Variants in ASAP2 observed in about 807,000 individuals in gnomAD.
ASAP2 encodes arf-GAP with SH3 domain, ANK repeat and PH domain-containing protein 2.
ASAP2 carries 45 observed loss-of-function variants against 131.4 expected under a neutral mutation model. The ratio of observed to expected loss-of-function variants is 0.34; its 90% confidence interval spans 0.27 to 0.44. The LOEUF (loss-of-function observed/expected upper bound fraction) is 0.44, where lower values mean the gene tolerates loss of function less well. Among genes scored for constraint, ASAP2 ranks in the 20% least tolerant of loss-of-function variants. ASAP2 has a pLI of 1.00. For missense variants in ASAP2, 1,011 were observed against 1,297.0 expected (o/e 0.78, Z 3.39); for synonymous variants, 510 against 503.0 (o/e 1.01, Z -0.19).
chr2:9,298,883 A>G (rs1330164774), intron 3 of ASAP2, among the ~76,000 whole-genome samples: 1 of 152,178 alleles, frequency 6.6e-6, no homozygotes, highest in African/African-American at 2.4e-5. Context: ...GAGACCAGAA[A>G]TAGCAGAAAA....
rs150871096 is a variant in ASAP2 at position 9,374,882 on chromosome 2, T to C, written c.1684T>C (p.Leu562=). ...EAVKTRDIFG[L]LQAYADGVDL... ...CGTCAAAACGAGAGATATTTTTGGA[T>C]TGCTCCAAGCTTATGCTGATGGTGT... Residue 562 remains leucine, a synonymous_variant, in exon 17 of 28, where the codon TTG becomes CTG. Coordinates refer to ENST00000281419, the MANE Select transcript of ASAP2 (RefSeq NM_003887.3). 2.1e-4 allele frequency: 334 copies of C among 1,613,986 alleles called. No individual in the cohort carries two copies. The East Asian group carries it at 5.3e-3, about 26-fold the overall frequency.
chr2:9,332,388 C>T (rs115213507), intron 7 of ASAP2, among the ~76,000 whole-genome samples: 1,853 of 152,180 alleles, frequency 0.012, 41 homozygotes, highest in African/African-American at 0.041. Context: ...AAGGAGGGTA[C>T]GGGAAGGTCA....
intron 1 of ASAP2, among the ~76,000 whole-genome samples, chr2:9,255,055 G>A (rs1255068524): frequency 6.6e-6 from 1 of 152,222 alleles, no homozygotes; most frequent in Non-Finnish European, 1.5e-5. Flanking sequence ...AACCACGTAT[G>A]AGAGTTCCAG....
In ASAP2 at chr2:9,388,366, G is replaced by A. The variant is rs201291876; in HGVS notation, c.2203G>A (p.Ala735Thr). 92 of 1,614,000 alleles carry A rather than the reference G, an allele frequency of 5.7e-5. No homozygotes were observed. Among genetic ancestry groups the A allele is most frequent in the Non-Finnish European group, 7.4e-5 (87 of 1,180,044 alleles). ...GGGCTCCAACCAGCTTCAGTCTAAC[G>A]CTGTATCTTTGGCCAGAGATGCTGC... ...QLGSNQLQSN[A>T]VSLARDAANL... Residue 735 changes from alanine (A) to threonine (T), a missense_variant, in exon 22 of 28, where the codon GCT becomes ACT. Ala to Thr is a moderately conservative substitution (Grantham distance 58). Around this residue, in one of 2 missense-constraint regions of ASAP2, gnomAD observed 652 missense variants for 698.9 expected, o/e 0.93. Coordinates refer to ENST00000281419, the MANE Select transcript of ASAP2 (RefSeq NM_003887.3).
chr2:9,229,515 C>G (rs1390689962), intron 1 of ASAP2, among the ~76,000 whole-genome samples: 1 of 152,204 alleles, frequency 6.6e-6, no homozygotes, highest in Admixed American at 6.5e-5. Context: ...CACTGCTGGC[C>G]TGGCAGGAGA....
At chr2:9,323,087 A>C in intron 5 of ASAP2, 34 bp from the exon 6 acceptor site, 2 of 1,613,432 alleles carry the variant, frequency 1.2e-6, no homozygotes, top group Non-Finnish European at 1.7e-6. Context: ...CTGTGCCAAC[A>C]GGCATCTTGA....
At chr2:9,352,629 C>T (rs865931399) in intron 12 of ASAP2, among the ~76,000 whole-genome samples, 25 of 152,224 alleles carry the variant, frequency 1.6e-4, no homozygotes, top group Admixed American at 1.1e-3. Flanking sequence ...GATCAGTAGA[C>T]GGCAAGTGTG....
At position 9,269,621 on chromosome 2, in the gene ASAP2, C is replaced by T. The variant is rs115311832; in HGVS notation, c.127-9696C>T. 5.7e-3 allele frequency among the ~76,000 whole-genome samples: 863 copies of T among 152,282 alleles called. 14 individuals carry two copies. Among genetic ancestry groups the T allele is most frequent in the African/African-American group, 0.02 (828 of 41,542 alleles). On this transcript the variant is annotated intron_variant, in intron 1 of 27. Coordinates refer to ENST00000281419, the MANE Select transcript of ASAP2 (RefSeq NM_003887.3). ...CGGGTGACCCCAGAGGTGGTGGCAC[C>T]GCCCTCAGGCGGTACAGTGGGGCCC...
At chr2:9,313,293 C>T (rs1219589326) in intron 3 of ASAP2, among the ~76,000 whole-genome samples, 1 of 152,214 alleles carries the variant, frequency 6.6e-6, no homozygotes, top group East Asian at 1.9e-4. Context: ...CTATTATTAA[C>T]AGCACCTAAG....
chr2:9,280,190 C>A (rs1001313049), intron 2 of ASAP2, among the ~76,000 whole-genome samples: 7 of 152,176 alleles, frequency 4.6e-5, no homozygotes, highest in Admixed American at 3.9e-4. Flanking sequence ...TCTGCTCCCA[C>A]TGAAGTAGTC....
At chr2:9,344,485 A>C in intron 9 of ASAP2, 47 bp from the exon 10 acceptor site, 1 of 1,505,946 alleles carries the variant, frequency 6.6e-7, no homozygotes, top group Non-Finnish European at 9.1e-7. Flanking sequence ...TTTTCTAAAA[A>C]TTAGGACCTG....
intron 1 of ASAP2, among the ~76,000 whole-genome samples, chr2:9,262,215 T>C (rs1013902356): frequency 6.6e-5 from 10 of 152,238 alleles, no homozygotes; most frequent in Non-Finnish European, 1.3e-4. Flanking sequence ...AAGGCTGGTA[T>C]AAGCTGTAAA....
chr2:9,238,479 C>G (rs1663710467), intron 1 of ASAP2, among the ~76,000 whole-genome samples: 1 of 152,232 alleles, frequency 6.6e-6, no homozygotes, highest in South Asian at 2.1e-4. Flanking sequence ...AGATCACTTT[C>G]ATCCACCTTC....
At position 9,372,068 on chromosome 2, in the gene ASAP2, A is replaced by T. The variant is rs749069883; in HGVS notation, c.1557-2687A>T. Among the ~76,000 whole-genome samples, 27 of 152,296 alleles carry T rather than the reference A, an allele frequency of 1.8e-4. 1 individual carries two copies. The highest frequency in any genetic ancestry group is 1.2e-3 in the South Asian group (6 of 4,816). The stretch of plus-strand genomic sequence containing the variant: ...TTCGGGGCCTCCAAGCCCTGGGCAG[A>T]TGAGTAAATACATTAAAAAACAAGT... On this transcript the variant is annotated intron_variant, in intron 16 of 27. Coordinates refer to ENST00000281419, the MANE Select transcript of ASAP2 (RefSeq NM_003887.3).
chr2:9,312,923 G>A (rs1463653650), intron 3 of ASAP2, among the ~76,000 whole-genome samples: 1 of 152,216 alleles, frequency 6.6e-6, no homozygotes, highest in African/African-American at 2.4e-5. Context: ...GCATGGCATG[G>A]TGGCGTGTGC....
intron 1 of ASAP2, among the ~76,000 whole-genome samples, chr2:9,270,588 T>C (rs1666274819): frequency 6.6e-6 from 1 of 151,992 alleles, no homozygotes; most frequent in Admixed American, 6.6e-5. Flanking sequence ...TCAATTATAC[T>C]CTCTTAGTTA....
chr2:9,270,614 TAA>T (rs1666278042), intron 1 of ASAP2, among the ~76,000 whole-genome samples: 1 of 151,908 alleles, frequency 6.6e-6, no homozygotes, highest in South Asian at 2.1e-4. Context: ...AAATGTACAA[TAA>T]ATTATTGTTG....
rs374930054 is a variant in ASAP2, at chr2:9,248,373, A to AT, written c.127-30933dup. On this transcript the variant is annotated intron_variant, in intron 1 of 27. Transcript: ENST00000281419. The stretch of plus-strand genomic sequence containing the variant: ...GAAAACCCTTTGGTATCTTGGTGTC[A>AT]TTTTTTTTTTTCTTCTGGGTAATTA... 6.1e-3 allele frequency among the ~76,000 whole-genome samples: 900 copies of AT among 147,672 alleles called. 11 individuals are homozygous for AT. Among genetic ancestry groups the AT allele is most frequent in the African/African-American group, 0.021 (834 of 40,450 alleles).
chr2:9,355,300 C>T (rs1672622618), intron 12 of ASAP2, among the ~76,000 whole-genome samples: 1 of 152,176 alleles, frequency 6.6e-6, no homozygotes, highest in South Asian at 2.1e-4. Context: ...TGTAGTCTCA[C>T]TTGTTTTTCA....
Sources: allele counts gnomAD v4.1 joint callset (sites outside exome capture counted in the v4.1 genomes callset), GRCh38; gene constraint gnomAD v4.1.1; regional missense constraint gnomAD v4.1.1; transcripts MANE v1.5; gene names NCBI Gene and HGNC (gene_info 2026-07-23, HGNC 2026-07-21).